STEAP2: variants seen among roughly 807,000 people sequenced by gnomAD.
STEAP2 encodes STEAP2 metalloreductase.
A neutral mutation model predicts 46.4 loss-of-function variants in STEAP2; 30 were observed. The ratio of observed to expected loss-of-function variants is 0.65; its 90% CI spans 0.48 to 0.88. STEAP2 has a LOEUF of 0.88. Ranked by LOEUF, STEAP2 falls within the 40% of genes least tolerant of loss-of-function variation. The pLI is 0.00. For synonymous variants in STEAP2, 180 were observed against 200.5 expected (o/e 0.90, Z 0.86); for missense variants, 513 against 579.3 (o/e 0.89, Z 1.18).
intron 5 of STEAP2, among the ~76,000 whole-genome samples, chr7:90,230,786 AC>A: frequency 6.6e-6 from 1 of 151,976 alleles, no homozygotes; most frequent in East Asian, 1.9e-4. Context: ...AGCATAGTAG[AC>A]AGATTCATGT....
chr7:90,227,750 C>T (rs988671109), intron 4 of STEAP2, among the ~76,000 whole-genome samples: 6 of 152,042 alleles, frequency 3.9e-5, no homozygotes, highest in Non-Finnish European at 2.9e-5. Flanking sequence ...TTGGGTTCTC[C>T]CCCTTTTTCA....
intron 1 of STEAP2, chr7:90,215,431 C>T (rs1244119181): frequency 6.6e-6 from 1 of 152,180 alleles, no homozygotes; most frequent in African/African-American, 2.4e-5. Context: ...AGAGGCTGTC[C>T]AGCTGAATGT....
At chr7:90,225,780 G>C (rs1390764006) in intron 3 of STEAP2, among the ~76,000 whole-genome samples, 1 of 152,080 alleles carries the variant, frequency 6.6e-6, no homozygotes, top group African/African-American at 2.4e-5. Context: ...GGAAAATAAC[G>C]TGAAAGTCAT....
chr7:90,225,177 C>T lies in STEAP2; in HGVS notation c.95C>T (p.Thr32Ile). Residue 32 changes from threonine (T) to isoleucine (I), a missense_variant, in exon 3 of 6, where the codon ACT becomes ATT. Coordinates refer to ENST00000394621, the MANE Select transcript of STEAP2 (RefSeq NM_001244944.2). ...INGIKDARKV[T>I]VGVIGSGDFA... ...GGTATCAAAGATGCAAGGAAGGTCA[C>T]TGTAGGTGTGATTGGAAGTGGAGAT... 1 of 1,613,938 alleles carries T rather than the reference C, an allele frequency of 6.2e-7. No individual in the cohort carries two copies. Among genetic ancestry groups the T allele is most frequent in the Middle Eastern group, 1.6e-4 (1 of 6,062 alleles).
chr7:90,235,189 G>A lies in STEAP2; in HGVS notation c.*2565G>A. ...AATACCACTGTTACAGATAAATGGGGCCTTTAAAAATATGAAAAACAAACT... is the reference window on the plus strand; with the variant it reads ...AATACCACTGTTACAGATAAATGGGACCTTTAAAAATATGAAAAACAAACT... On this transcript the variant is annotated 3_prime_UTR_variant, in exon 6 of 6. Transcript: ENST00000394621. 1.0e-6 allele frequency: 1 copy of A among 977,944 alleles called. No individual in the cohort carries two copies. The highest frequency in any genetic ancestry group is 1.2e-6 in the Non-Finnish European group (1 of 823,156). 60.6% of individuals were successfully genotyped at this position (977,944 alleles called of 1,614,324 possible). A position where few individuals can be genotyped will look rare whatever the true frequency, so the allele number is the denominator to read the frequency against.
At position 90,235,057 on chromosome 7, in the gene STEAP2, A is replaced by C; in HGVS notation, c.*2433A>C. ...TTATTCCTTAAATTCCACTCTTTTA[A>C]CACTATGCTTAACCACTTAATGTGA... On this transcript the variant is annotated 3_prime_UTR_variant, in exon 6 of 6. Coordinates refer to ENST00000394621, the MANE Select transcript of STEAP2 (RefSeq NM_001244944.2). 1.0e-6 allele frequency: 1 copy of C among 954,008 alleles called. No individual in the cohort carries two copies. Among genetic ancestry groups the C allele is most frequent in the East Asian group, 1.1e-4 (1 of 8,714 alleles). The allele number at this position is 954,008 out of a possible 1,614,324, so 59.1% of individuals were successfully genotyped here. A position where few individuals can be genotyped will look rare whatever the true frequency, so the allele number is the denominator to read the frequency against.
intron 3 of STEAP2, among the ~76,000 whole-genome samples, chr7:90,225,973 C>G (rs868795205): frequency 6.6e-6 from 1 of 152,022 alleles, no homozygotes; most frequent in Middle Eastern, 3.4e-3. Context: ...GATTAGATTC[C>G]TTAGAAAATA....
At position 90,233,315 on chromosome 7, in the gene STEAP2, A is replaced by G; in HGVS notation, c.*691A>G. 1.0e-6 allele frequency: 1 copy of G among 967,528 alleles called. No homozygotes were observed. Among genetic ancestry groups the G allele is most frequent in the Non-Finnish European group, 1.2e-6 (1 of 813,724 alleles). 59.9% of individuals were successfully genotyped at this position (967,528 alleles called of 1,614,324 possible). ...TTTATTCTTTATTGTGTTACAGAGC[A>G]GTTTCATTTTCATATTAATATACTG... On this transcript the variant is annotated 3_prime_UTR_variant, in exon 6 of 6. Transcript: ENST00000394621.
chr7:90,225,572 C>A lies in STEAP2; in HGVS notation c.490C>A (p.Gln164Lys), dbSNP rs1203693761. 3 of 1,582,798 alleles carry A rather than the reference C, an allele frequency of 1.9e-6. No individual in the cohort carries two copies. The East Asian group carries it at 6.7e-5, about 35-fold the overall frequency. The change falls in exon 3 of 6, where the codon CAG becomes AAG. Residue 164 changes from glutamine to lysine, a missense_variant and splice_region_variant. Physicochemically the swap from Gln to Lys is moderately conservative, Grantham distance 53. Coordinates refer to ENST00000394621, the MANE Select transcript of STEAP2 (RefSeq NM_001244944.2). ...GTTAGGACCTAAGGATGCCAGCCGG[C>A]AGGTATGTATTTTACATTTTTATTC... ...LQLGPKDASR[Q>K]VYICSNNIQA...
intron 4 of STEAP2, among the ~76,000 whole-genome samples, chr7:90,228,818 T>G (rs1795613289): frequency 6.6e-6 from 1 of 152,160 alleles, no homozygotes; most frequent in Non-Finnish European, 1.5e-5. Flanking sequence ...AGCAGGTAGA[T>G]CCAGGTTGTA....
At chr7:90,237,778 A>G (rs1796007543), downstream of STEAP2, 1 of 217,036 alleles carries the variant, frequency 4.6e-6, no homozygotes, top group African/African-American at 2.2e-5. Context: ...GTTTGTTTTT[A>G]CTAAAATAGT....
At chr7:90,228,884 G>A (rs181551601) in intron 4 of STEAP2, among the ~76,000 whole-genome samples, 4 of 152,260 alleles carry the variant, frequency 2.6e-5, no homozygotes, top group East Asian at 3.9e-4. Flanking sequence ...TATCAAATAA[G>A]AAGATGGTAA....
chr7:90,234,640 T>G lies in STEAP2; in HGVS notation c.*2016T>G. The G allele has an allele frequency of 3.0e-5, 21 of 700,840 alleles. No homozygotes were observed. Among genetic ancestry groups the G allele is most frequent in the Non-Finnish European group, 3.7e-5 (21 of 574,794 alleles). The allele number at this position is 700,840 out of a possible 1,614,324, so 43.4% of individuals were successfully genotyped here. A position where few individuals can be genotyped will look rare whatever the true frequency, so the allele number is the denominator to read the frequency against. On this transcript the variant is annotated 3_prime_UTR_variant, in exon 6 of 6. Transcript: ENST00000394621. ...ATCTCGGCTCACTGCAAGCTCTGCC[T>G]CCCGGGTTCACGCCATTCTCCTGCC...
At chr7:90,217,015 G>T (rs1340359735) in intron 2 of STEAP2, among the ~76,000 whole-genome samples, 1 of 152,172 alleles carries the variant, frequency 6.6e-6, no homozygotes, top group Non-Finnish European at 1.5e-5. Context: ...ACTACCATAA[G>T]CGTAGTGCCA....
intron 1 of STEAP2, chr7:90,216,219 G>A (rs1795006485): frequency 6.6e-6 from 1 of 152,178 alleles, no homozygotes; most frequent in African/African-American, 2.4e-5. Context: ...TAAAGAATCT[G>A]AGTGTGCATT....
chr7:90,221,971 T>C (rs1471363348), intron 2 of STEAP2, among the ~76,000 whole-genome samples: 1 of 152,224 alleles, frequency 6.6e-6, no homozygotes, highest in Non-Finnish European at 1.5e-5. Flanking sequence ...TTGCAATTCT[T>C]ATATTTTGGG....
At chr7:90,214,299 A>G in intron 1 of STEAP2, among the ~76,000 whole-genome samples, 1 of 152,080 alleles carries the variant, frequency 6.6e-6, no homozygotes, top group East Asian at 1.9e-4. Flanking sequence ...CAACTGGTGG[A>G]TAATGGTGGC....
In STEAP2 at chr7:90,226,935, C is replaced by T. The variant is rs781649518; in HGVS notation, c.493-36C>T. The T allele has an allele frequency of 2.6e-6, 4 of 1,525,812 alleles. No individual in the cohort carries two copies. In the African/African-American group the frequency reaches 4.2e-5, roughly 16 times the overall value. The allele number at this position is 1,525,812 out of a possible 1,614,324, so 94.5% of individuals were successfully genotyped here. A position where few individuals can be genotyped will look rare whatever the true frequency, so the allele number is the denominator to read the frequency against. The stretch of plus-strand genomic sequence containing the variant: ...CGATTGCTACCATTTTTATAAACAA[C>T]AATGGTAATGCTGAGTCTTTTTGTT... On this transcript the variant is annotated intron_variant, in intron 3 of 5. Transcript: ENST00000394621.
intron 2 of STEAP2, among the ~76,000 whole-genome samples, chr7:90,217,143 T>TG (rs1795057128): frequency 6.6e-6 from 1 of 152,246 alleles, no homozygotes; most frequent in South Asian, 2.1e-4. Flanking sequence ...AATTGATACA[T>TG]GTTACATATC....
Sources: gnomAD v4.1 joint callset for allele counts (sites outside exome capture counted in the v4.1 genomes callset) on GRCh38, gnomAD v4.1.1 for gene constraint, MANE v1.5 for transcripts, NCBI Gene and HGNC (gene_info 2026-07-23, HGNC 2026-07-21) for gene names.